FRMD6: variants seen among roughly 807,000 people sequenced by gnomAD.
The protein encoded by FRMD6 is FERM domain containing 6.
Under a neutral mutation model 73.2 loss-of-function variants are expected in FRMD6, and 37 were observed. The ratio of observed to expected loss-of-function variants is 0.51; its 90% CI spans 0.39 to 0.66. The LOEUF is 0.66. Ranked by LOEUF, FRMD6 falls within the 30% of genes least tolerant of loss-of-function variation. The pLI is 0.00. For missense variants in FRMD6, 714 were observed against 780.5 expected (o/e 0.91, Z 1.02); for synonymous variants, 273 against 282.2 (o/e 0.97, Z 0.33).
intron 2 of FRMD6, among the ~76,000 whole-genome samples, chr14:51,605,072 C>T (rs1213681114): frequency 6.6e-6 from 1 of 151,996 alleles, no homozygotes; most frequent in East Asian, 1.9e-4. Flanking sequence ...TCTACCCCTG[C>T]CTGGCCACCC....
At chr14:51,570,081 C>A (rs1381085730) in intron 1 of FRMD6, among the ~76,000 whole-genome samples, 1 of 152,166 alleles carries the variant, frequency 6.6e-6, no homozygotes, top group South Asian at 2.1e-4. Flanking sequence ...TCCCAAAGTG[C>A]TGGGATTACA....
the FRMD6 span, among the ~76,000 whole-genome samples, chr14:51,483,247 C>T: frequency 3.3e-5 from 5 of 152,198 alleles, no homozygotes; most frequent in South Asian, 4.1e-4. Context: ...TTCTGAAAAG[C>T]GGAGATGCAA....
At chr14:51,432,723 T>G in the FRMD6 span, among the ~76,000 whole-genome samples, 1 of 152,152 alleles carries the variant, frequency 6.6e-6, no homozygotes, top group Non-Finnish European at 1.5e-5. Flanking sequence ...CCAACCAAAC[T>G]GCAGTACTGA....
chr14:51,594,580 C>T lies in FRMD6; in HGVS notation c.-147+24170C>T, dbSNP rs371292744. On this transcript the variant is annotated intron_variant, in intron 2 of 14. Coordinates refer to the FRMD6 transcript ENST00000356218. ...CCGACCTCAAGTGATCCACCCGCCT[C>T]GGCCTCCCAAAGTGCTGAGATTACA... is the stretch of plus-strand genomic sequence containing the variant. Among the ~76,000 whole-genome samples, 14 of 152,190 alleles carry T rather than the reference C, an allele frequency of 9.2e-5. No homozygotes were observed. The East Asian group carries it at 2.1e-3, about 23-fold the overall frequency.
intron 1 of FRMD6, among the ~76,000 whole-genome samples, chr14:51,534,362 A>G (rs1885765474): frequency 6.6e-6 from 1 of 152,164 alleles, no homozygotes; most frequent in South Asian, 2.1e-4. Context: ...CTTAATTACA[A>G]CAGTGCTGCA....
intron 2 of FRMD6, among the ~76,000 whole-genome samples, chr14:51,585,961 A>ATATATATATAT (rs1555324347): frequency 3.9e-4 from 22 of 56,270 alleles, no homozygotes; most frequent in Non-Finnish European, 7.3e-4. Flanking sequence ...ATATATATAT[A>ATATATATATAT]ACATTTTCTT....
the FRMD6 span, among the ~76,000 whole-genome samples, chr14:51,407,901 T>A: frequency 6.6e-6 from 1 of 152,208 alleles, no homozygotes; most frequent in East Asian, 1.9e-4. Flanking sequence ...GCAGTTTGTG[T>A]ATTTCAGTGA....
chr14:51,442,138 C>T, the FRMD6 span, among the ~76,000 whole-genome samples: 4 of 152,178 alleles, frequency 2.6e-5, no homozygotes, highest in African/African-American at 9.7e-5. Context: ...TCATATATTT[C>T]AAAATCTTAA....
At chr14:51,660,514 AATT>A (rs1893142068) in intron 1 of FRMD6, among the ~76,000 whole-genome samples, 1 of 152,058 alleles carries the variant, frequency 6.6e-6, no homozygotes, top group African/African-American at 2.4e-5. Context: ...ATGAAATTAA[AATT>A]ATTAAATGTT....
chr14:51,423,685 T>A, the FRMD6 span, among the ~76,000 whole-genome samples: 2,001 of 152,320 alleles, frequency 0.013, 44 homozygotes, highest in African/African-American at 0.046. Flanking sequence ...GTCCCTGTCA[T>A]CTCACTGAAC....
intron 2 of FRMD6, among the ~76,000 whole-genome samples, chr14:51,697,150 A>AC (rs1461476765): frequency 1.3e-5 from 2 of 152,130 alleles, no homozygotes; most frequent in African/African-American, 4.8e-5. Context: ...TGATCCTGGA[A>AC]CCCCATTCCT....
At chr14:51,501,968 A>G (rs1883645976) in intron 1 of FRMD6, among the ~76,000 whole-genome samples, 1 of 152,212 alleles carries the variant, frequency 6.6e-6, no homozygotes, top group African/African-American at 2.4e-5. Context: ...CATTTCTCAA[A>G]TGCTCAGTGA....
At chr14:51,439,073 A>G in the FRMD6 span, among the ~76,000 whole-genome samples, 1 of 152,232 alleles carries the variant, frequency 6.6e-6, no homozygotes. Flanking sequence ...AATGTTGTTA[A>G]AGTATAATAG....
intron 1 of FRMD6, among the ~76,000 whole-genome samples, chr14:51,653,676 C>T (rs567683103): frequency 3.7e-4 from 56 of 152,226 alleles, no homozygotes; most frequent in Admixed American, 7.8e-4. Flanking sequence ...TTGCTGATGT[C>T]CTTTGTAGTA....
intron 2 of FRMD6, among the ~76,000 whole-genome samples, chr14:51,594,153 C>T (rs1447013372): frequency 6.6e-6 from 1 of 152,102 alleles, no homozygotes; most frequent in African/African-American, 2.4e-5. Context: ...GAGATGAAGT[C>T]TTGCTCTGTC....
chr14:51,728,657 C>T lies in FRMD6; in HGVS notation c.*628C>T, dbSNP rs1898114325. On this transcript the variant is annotated 3_prime_UTR_variant, in exon 14 of 14. Transcript: ENST00000344768. ...GAAGTGCATGCTGTGATGCCTGTGA[C>T]TCCTTCATCCCGCTCAGTGCCATGT... is the stretch of plus-strand genomic sequence containing the variant. The T allele has an allele frequency of 6.5e-6, 1 of 153,322 alleles. No individual in the cohort carries two copies. The highest frequency in any genetic ancestry group is 1.5e-5 in the Non-Finnish European group (1 of 68,584). 9.5% of individuals were successfully genotyped at this position (153,322 alleles called of 1,614,324 possible). A position where few individuals can be genotyped will look rare whatever the true frequency, so the allele number is the denominator to read the frequency against.
the FRMD6 span, among the ~76,000 whole-genome samples, chr14:51,428,730 G>T: frequency 6.6e-5 from 10 of 152,064 alleles, no homozygotes; most frequent in African/African-American, 2.4e-4. Context: ...TCTCCCACTA[G>T]GAGGTGGGAT....
At chr14:51,425,526 T>G in the FRMD6 span, among the ~76,000 whole-genome samples, 1 of 152,148 alleles carries the variant, frequency 6.6e-6, no homozygotes, top group Non-Finnish European at 1.5e-5. Context: ...TCATCTGTAA[T>G]ATGTCTCAAA....
intron 2 of FRMD6, among the ~76,000 whole-genome samples, chr14:51,611,679 G>T (rs532646674): frequency 6.6e-6 from 1 of 152,170 alleles, no homozygotes; most frequent in Non-Finnish European, 1.5e-5. Context: ...CAGATGATGC[G>T]CATGCTGTCA....
Sources: gnomAD v4.1 joint callset for allele counts (sites outside exome capture counted in the v4.1 genomes callset) on GRCh38, gnomAD v4.1.1 for gene constraint, MANE v1.5 for transcripts, NCBI Gene and HGNC (gene_info 2026-07-23, HGNC 2026-07-21) for gene names.